PTPRT: variants seen among roughly 807,000 people sequenced by gnomAD.
PTPRT encodes receptor-type tyrosine-protein phosphatase T.
PTPRT carries 56 observed loss-of-function variants against 176.8 expected under a neutral mutation model. That is an observed-to-expected ratio of 0.32 (90% confidence interval 0.26 to 0.40). The LOEUF (loss-of-function observed/expected upper bound fraction) is 0.40, where lower values mean the gene tolerates loss of function less well. Ranked by LOEUF, PTPRT falls within the 10% of genes least tolerant of loss-of-function variation. The pLI is 1.00. For synonymous variants in PTPRT, 783 were observed against 739.0 expected (o/e 1.06, Z -0.96); for missense variants, 1,540 against 1,908.2 (o/e 0.81, Z 3.60).
chr20:42,452,258 A>T (rs894727052), intron 8 of PTPRT, among the ~76,000 whole-genome samples: 1 of 146,556 alleles, frequency 6.8e-6, no homozygotes, highest in Non-Finnish European at 1.5e-5. Context: ...ACAGACTGAG[A>T]CTCCATCTCA....
intron 11 of PTPRT, 54 bp downstream of exon 11, chr20:42,350,574 C>T (rs2058268299): frequency 7.3e-7 from 1 of 1,372,912 alleles, no homozygotes; most frequent in Non-Finnish European, 1.0e-6. Context: ...AACTGGAGGC[C>T]CATGTGGCAC....
chr20:42,403,422 G>C (rs2058930614), intron 9 of PTPRT, among the ~76,000 whole-genome samples: 1 of 152,064 alleles, frequency 6.6e-6, no homozygotes, highest in South Asian at 2.1e-4. Context: ...GCATATCACA[G>C]ATAAACAGAT....
At chr20:42,172,279 C>G (rs936811545) in intron 16 of PTPRT, among the ~76,000 whole-genome samples, 16 of 151,894 alleles carry the variant, frequency 1.1e-4, no homozygotes, top group Non-Finnish European at 2.9e-5. Context: ...TGAAAAAAAA[C>G]AGCAAAAGCT....
chr20:42,415,469 C>T (rs2059057504), intron 9 of PTPRT, among the ~76,000 whole-genome samples: 1 of 152,144 alleles, frequency 6.6e-6, no homozygotes, highest in Non-Finnish European at 1.5e-5. Context: ...GCCTTGACCT[C>T]CCAAAGTGCT....
downstream of PTPRT, among the ~76,000 whole-genome samples, chr20:42,071,898 A>ATC (rs768398253): frequency 2.6e-5 from 4 of 151,896 alleles, no homozygotes; most frequent in Non-Finnish European, 4.4e-5. Context: ...GGCCTAAGTG[A>ATC]TCTCCCACTT....
At chr20:43,128,137 C>A (rs907387926) in intron 1 of PTPRT, among the ~76,000 whole-genome samples, 1 of 152,076 alleles carries the variant, frequency 6.6e-6, no homozygotes, top group Non-Finnish European at 1.5e-5. Context: ...ACAAAGATAC[C>A]CACTGTAAGA....
intron 1 of PTPRT, among the ~76,000 whole-genome samples, chr20:42,958,444 G>A (rs112631857): frequency 2.6e-4 from 31 of 117,666 alleles, no homozygotes; most frequent in African/African-American, 9.7e-4. Flanking sequence ...GAGGAAGGGT[G>A]AGGAGGAAAG....
At chr20:42,944,360 C>T (rs1007553256) in intron 1 of PTPRT, among the ~76,000 whole-genome samples, 10 of 152,342 alleles carry the variant, frequency 6.6e-5, no homozygotes, top group Non-Finnish European at 7.3e-5. Context: ...ACGAAGCTCT[C>T]CAAACCGTTC....
rs567253841 is a variant in PTPRT at position 42,103,051 on chromosome 20, T to C, written c.3541-754A>G. 9.2e-5 allele frequency among the ~76,000 whole-genome samples: 14 copies of C among 152,356 alleles called. No homozygotes were observed. In the South Asian group the frequency reaches 1.9e-3, roughly 20 times the overall value. On this transcript the variant is annotated intron_variant, in intron 25 of 30. Coordinates refer to ENST00000373187, the MANE Select transcript of PTPRT (RefSeq NM_007050.6). The stretch of plus-strand genomic sequence containing the variant: ...CCTGGGATATCTGCCCGTGGAACAA[T>C]GGGCCTGGCATTTGCCCACTGACTT...
At chr20:42,217,772 G>C (rs2055809332) in intron 15 of PTPRT, among the ~76,000 whole-genome samples, 1 of 152,150 alleles carries the variant, frequency 6.6e-6, no homozygotes. Flanking sequence ...AATGTCTCTA[G>C]ACATTGCAAA....
At chr20:42,069,521 G>T, downstream of PTPRT, among the ~76,000 whole-genome samples, 1 of 152,030 alleles carries the variant, frequency 6.6e-6, no homozygotes, top group East Asian at 1.9e-4. Context: ...TATCTGTTCT[G>T]CCTGGATTTT....
At chr20:42,379,027 C>T (rs932478056) in intron 9 of PTPRT, among the ~76,000 whole-genome samples, 1 of 152,214 alleles carries the variant, frequency 6.6e-6, no homozygotes, top group Non-Finnish European at 1.5e-5. Flanking sequence ...ACCGTGCCCC[C>T]ACAGCTCCAT....
the PTPRT span, among the ~76,000 whole-genome samples, chr20:42,048,156 C>T: frequency 6.6e-6 from 1 of 152,114 alleles, no homozygotes; most frequent in Admixed American, 6.6e-5. Context: ...GAGAAAAGGC[C>T]AAGGATGAAT....
At chr20:42,670,309 T>C (rs1452740093) in intron 7 of PTPRT, among the ~76,000 whole-genome samples, 4 of 152,148 alleles carry the variant, frequency 2.6e-5, no homozygotes, top group Non-Finnish European at 4.4e-5. Context: ...TGCATTATAA[T>C]ATCCCTTAGA....
chr20:43,087,984 G>A (rs2011669706), intron 1 of PTPRT, among the ~76,000 whole-genome samples: 1 of 152,176 alleles, frequency 6.6e-6, no homozygotes, highest in African/African-American at 2.4e-5. Flanking sequence ...CTGTAAGATG[G>A]CTGTACTTAA....
chr20:42,611,922 A>G (rs561231236), intron 7 of PTPRT, among the ~76,000 whole-genome samples: 23 of 152,206 alleles, frequency 1.5e-4, no homozygotes, highest in Non-Finnish European at 2.2e-4. Flanking sequence ...GGCTTCAGGG[A>G]TCTCCCACAT....
intron 1 of PTPRT, among the ~76,000 whole-genome samples, chr20:42,942,745 C>T (rs187871967): frequency 6.6e-6 from 1 of 152,144 alleles, no homozygotes; most frequent in East Asian, 1.9e-4. Flanking sequence ...TTCCAAGCCT[C>T]AATATTTTAT....
chr20:42,964,092 G>A (rs1982158199), intron 1 of PTPRT, among the ~76,000 whole-genome samples: 2 of 152,006 alleles, frequency 1.3e-5, no homozygotes, highest in Non-Finnish European at 2.9e-5. Flanking sequence ...GAGTTAGGGA[G>A]GAAGTCAAAT....
chr20:42,506,936 C>A (rs1158013133), intron 7 of PTPRT, among the ~76,000 whole-genome samples: 4 of 152,022 alleles, frequency 2.6e-5, no homozygotes, highest in Non-Finnish European at 5.9e-5. Context: ...ATCCTAGGAT[C>A]TGACCACATC....
Sources: allele counts gnomAD v4.1 joint callset (sites outside exome capture counted in the v4.1 genomes callset), GRCh38; gene constraint gnomAD v4.1.1; transcripts MANE v1.5; gene names NCBI Gene and HGNC (gene_info 2026-07-23, HGNC 2026-07-21).